Variants in TMEM135 observed in about 807,000 individuals in gnomAD.
The protein encoded by TMEM135 is peroxisomal membrane protein 52.
TMEM135 carries 30 observed loss-of-function variants against 60.3 expected under a neutral mutation model. That is an observed-to-expected ratio of 0.50 (90% CI 0.37 to 0.68). The LOEUF (loss-of-function observed/expected upper bound fraction) is 0.68, where lower values mean the gene tolerates loss of function less well. Ranked by LOEUF, TMEM135 falls within the 30% of genes least tolerant of loss-of-function variation. The pLI, the probability that TMEM135 is intolerant of heterozygous loss-of-function variation, is 0.00. For synonymous variants in TMEM135, 190 were observed against 186.7 expected (o/e 1.02, Z -0.14); for missense variants, 468 against 548.8 (o/e 0.85, Z 1.47).
At chr11:87,318,012 ATCGT>A in intron 12 of TMEM135, 121 bp from the exon 13 acceptor site, 1 of 736,446 alleles carries the variant, frequency 1.4e-6, no homozygotes, top group Non-Finnish European at 2.4e-6. Context: ...AAAATGTGAC[ATCGT>A]TTGAGCTCTG....
chr11:87,230,416 A>G (rs566048172), intron 5 of TMEM135, among the ~76,000 whole-genome samples: 6 of 152,114 alleles, frequency 3.9e-5, no homozygotes, highest in African/African-American at 1.4e-4. Flanking sequence ...TTATAGAGAA[A>G]TTTTTTCAAG....
At position 87,091,305 on chromosome 11, in the gene TMEM135, A is replaced by G. The variant is rs543031227; in HGVS notation, c.363-57A>G. 7.0e-6 allele frequency: 10 copies of G among 1,437,420 alleles called. No homozygotes were observed. In the East Asian group the frequency reaches 2.1e-4, roughly 30 times the overall value. 89.0% of individuals were successfully genotyped at this position (1,437,420 alleles called of 1,614,324 possible). ...TTTTTATAGACTTCTAATAAATGAT[A>G]AAGTGATTACTAAGTCAAATTGAAG... On this transcript the variant is annotated intron_variant, in intron 3 of 14. Coordinates refer to ENST00000305494, the MANE Select transcript of TMEM135 (RefSeq NM_022918.4).
At chr11:87,266,867 T>G (rs1385377395) in intron 6 of TMEM135, among the ~76,000 whole-genome samples, 13 of 152,200 alleles carry the variant, frequency 8.5e-5, no homozygotes. Context: ...AGGATCCCTT[T>G]GAGTGTGGTG....
chr11:87,178,712 C>T (rs575128788), intron 5 of TMEM135, among the ~76,000 whole-genome samples: 2 of 152,282 alleles, frequency 1.3e-5, no homozygotes, highest in South Asian at 4.1e-4. Flanking sequence ...AGGTGTGAGC[C>T]ACCATGCCTG....
At chr11:87,126,048 A>G (rs1467031788) in intron 4 of TMEM135, among the ~76,000 whole-genome samples, 1 of 152,118 alleles carries the variant, frequency 6.6e-6, no homozygotes, top group East Asian at 1.9e-4. Flanking sequence ...TCAAGGAACA[A>G]TATTTTATTG....
At chr11:87,042,589 C>T (rs557329123) in intron 1 of TMEM135, among the ~76,000 whole-genome samples, 1 of 152,224 alleles carries the variant, frequency 6.6e-6, no homozygotes, top group South Asian at 2.1e-4. Context: ...TCTAAGGCTG[C>T]TTCTGAGGCC....
intron 5 of TMEM135, among the ~76,000 whole-genome samples, chr11:87,234,522 C>T (rs1371781526): frequency 1.3e-5 from 2 of 151,928 alleles, no homozygotes; most frequent in Admixed American, 6.6e-5. Context: ...AATTTCTTTC[C>T]AGATTTATGT....
rs552287435 is a variant in TMEM135 at position 87,219,478 on chromosome 11, G to T, written c.463-17160G>T. 5.7e-4 allele frequency among the ~76,000 whole-genome samples: 86 copies of T among 152,160 alleles called. No individual in the cohort carries two copies. The Middle Eastern group carries it at 0.01, about 18-fold the overall frequency. On this transcript the variant is annotated intron_variant, in intron 5 of 14. Coordinates refer to ENST00000305494, the MANE Select transcript of TMEM135 (RefSeq NM_022918.4). ...CAGGGGGTGGTGGCGGGGCTGGGGGGAGAGAGCCAGGGAGAGTGAGAGAGT... is the reference window on the plus strand; with the variant it reads ...CAGGGGGTGGTGGCGGGGCTGGGGGTAGAGAGCCAGGGAGAGTGAGAGAGT...
At chr11:87,163,519 G>A (rs1214148316) in intron 5 of TMEM135, among the ~76,000 whole-genome samples, 1 of 151,900 alleles carries the variant, frequency 6.6e-6, no homozygotes, top group Non-Finnish European at 1.5e-5. Context: ...TGTCTTTATA[G>A]CAGCATGATT....
intron 5 of TMEM135, among the ~76,000 whole-genome samples, chr11:87,205,598 C>G (rs554391015): frequency 6.6e-6 from 1 of 152,066 alleles, no homozygotes; most frequent in Admixed American, 6.5e-5. Flanking sequence ...AACTTTGATA[C>G]TCTTTGAAAG....
In TMEM135 at chr11:87,165,916, C is replaced by T. The variant is rs541994016; in HGVS notation, c.462+8510C>T. The stretch of plus-strand genomic sequence containing the variant: ...AAAATGATAAAGGGGATATCACCAC[C>T]GATCCCACAGAAATACAAACTACCA... On this transcript the variant is annotated intron_variant, in intron 5 of 14. Transcript: ENST00000305494. Among the ~76,000 whole-genome samples, 25 of 150,524 alleles carry T rather than the reference C, an allele frequency of 1.7e-4. 2 individuals carry two copies. The highest frequency in any genetic ancestry group is 4.7e-4 in the African/African-American group (19 of 40,540).
intron 4 of TMEM135, among the ~76,000 whole-genome samples, chr11:87,100,555 T>G (rs540695908): frequency 6.6e-6 from 1 of 152,166 alleles, no homozygotes; most frequent in Non-Finnish European, 1.5e-5. Flanking sequence ...ACAAAATATT[T>G]ACTGTTTTTT....
chr11:87,286,562 A>T (rs1229575434), intron 6 of TMEM135, among the ~76,000 whole-genome samples: 1 of 152,184 alleles, frequency 6.6e-6, no homozygotes, highest in East Asian at 1.9e-4. Context: ...CGGGGGCCAC[A>T]GAGCAGGGGG....
intron 6 of TMEM135, chr11:87,259,100 G>A: frequency 1.0e-6 from 1 of 957,164 alleles, no homozygotes; most frequent in Non-Finnish European, 1.7e-6. Flanking sequence ...CCGCAGACCG[G>A]ACCCTCTTCG....
At chr11:87,313,564 T>G in intron 11 of TMEM135, 76 bp downstream of exon 11, 1 of 1,209,312 alleles carries the variant, frequency 8.3e-7, no homozygotes, top group South Asian at 1.3e-5. Flanking sequence ...ACCATCCAAT[T>G]CATCCAATTT....
intron 6 of TMEM135, among the ~76,000 whole-genome samples, chr11:87,266,776 G>T (rs181065278): frequency 1.3e-5 from 2 of 152,168 alleles, no homozygotes; most frequent in African/African-American, 2.4e-5. Flanking sequence ...AGGGTCAAAG[G>T]CCTGAAGAGA....
intron 4 of TMEM135, among the ~76,000 whole-genome samples, chr11:87,139,070 G>T (rs1324932406): frequency 6.6e-6 from 1 of 152,084 alleles, no homozygotes; most frequent in East Asian, 1.9e-4. Context: ...TTCCACCTCT[G>T]CTCCCAGTTT....
intron 3 of TMEM135, among the ~76,000 whole-genome samples, chr11:87,085,409 A>G (rs1172807404): frequency 6.6e-6 from 1 of 152,226 alleles, no homozygotes; most frequent in East Asian, 1.9e-4. Context: ...TTCCTCAAAG[A>G]ATAGAAGCCT....
chr11:87,291,998 TC>T (rs1942274193), intron 6 of TMEM135, among the ~76,000 whole-genome samples: 1 of 152,100 alleles, frequency 6.6e-6, no homozygotes, highest in Non-Finnish European at 1.5e-5. Context: ...GCTACTTCCC[TC>T]CCCTATTTTG....
Sources: allele counts gnomAD v4.1 joint callset (sites outside exome capture counted in the v4.1 genomes callset), GRCh38; gene constraint gnomAD v4.1.1; transcripts MANE v1.5; gene names NCBI Gene and HGNC (gene_info 2026-07-23, HGNC 2026-07-21).